DSCAM: variants seen among roughly 807,000 people sequenced by gnomAD.
DSCAM encodes DS cell adhesion molecule.
Under a neutral mutation model 217.7 loss-of-function variants are expected in DSCAM, and 47 were observed. The ratio of observed to expected loss-of-function variants is 0.22; its 90% CI spans 0.17 to 0.28. The LOEUF is 0.28. Ranked by LOEUF, DSCAM falls within the 10% of genes least tolerant of loss-of-function variation. DSCAM has a pLI of 1.00. For synonymous variants in DSCAM, 1,056 were observed against 1,015.3 expected (o/e 1.04, Z -0.76); for missense variants, 2,080 against 2,618.3 (o/e 0.79, Z 4.49).
At chr21:40,408,583 G>C (rs146938294) in intron 3 of DSCAM, among the ~76,000 whole-genome samples, 3 of 152,068 alleles carry the variant, frequency 2.0e-5, no homozygotes, top group Non-Finnish European at 2.9e-5. Flanking sequence ...TTCATCAGTC[G>C]TAAGTTGGCA....
chr21:40,532,898 GTGTGTGTGTGTGCA>G (rs1401055690), intron 3 of DSCAM, among the ~76,000 whole-genome samples: 3 of 138,630 alleles, frequency 2.2e-5, no homozygotes, highest in East Asian at 2.0e-4. Context: ...GTGTGTGTGT[GTGTGTGTGTGTGCA>G]CACGCACGCG....
At chr21:40,692,775 C>T (rs577862784) in intron 3 of DSCAM, 35 bp downstream of exon 3, 11 of 1,578,496 alleles carry the variant, frequency 7.0e-6, no homozygotes, top group African/African-American at 4.0e-5. Flanking sequence ...AGAAGGTGAG[C>T]GTGGTGTCCT....
chr21:40,061,894 T>G (rs1048362933), intron 28 of DSCAM, among the ~76,000 whole-genome samples: 1 of 152,220 alleles, frequency 6.6e-6, no homozygotes, highest in Admixed American at 6.5e-5. Context: ...CTGGCAATGT[T>G]GAGTTCACTA....
rs947613884 is a variant in DSCAM at position 40,354,805 on chromosome 21, C to T, written c.656-1062G>A. On this transcript the variant is annotated intron_variant, in intron 4 of 32. Transcript: ENST00000400454. ...CAGAGCTTGCAGTGAGCCGAGATAG[C>T]GCCACTGCAGTCCGGCCTGGGTGAA... 2.1e-5 allele frequency among the ~76,000 whole-genome samples: 3 copies of T among 145,474 alleles called. No individual in the cohort carries two copies. The East Asian group carries it at 6.2e-4, about 30-fold the overall frequency.
chr21:40,570,491 CAG>C (rs1414413197), intron 3 of DSCAM, among the ~76,000 whole-genome samples: 1 of 152,168 alleles, frequency 6.6e-6, no homozygotes, highest in East Asian at 1.9e-4. Flanking sequence ...TAGCATAAAA[CAG>C]AAAGTCACAA....
At chr21:40,567,568 C>T (rs1283688712) in intron 3 of DSCAM, among the ~76,000 whole-genome samples, 2 of 152,130 alleles carry the variant, frequency 1.3e-5, no homozygotes, top group Admixed American at 6.5e-5. Context: ...CACAGACAAA[C>T]ATCTGTCTCT....
intron 1 of DSCAM, among the ~76,000 whole-genome samples, chr21:40,836,077 G>A (rs1420234309): frequency 1.3e-5 from 2 of 152,184 alleles, no homozygotes; most frequent in African/African-American, 2.4e-5. Flanking sequence ...CGGCATCAAA[G>A]CAAAACCTCT....
chr21:40,259,427 C>T (rs1475839938), intron 11 of DSCAM, among the ~76,000 whole-genome samples: 2 of 152,044 alleles, frequency 1.3e-5, no homozygotes, highest in African/African-American at 2.4e-5. Context: ...TGAGCAAATA[C>T]AGAAGCTAAG....
At chr21:40,452,436 T>G (rs1484565994) in intron 3 of DSCAM, among the ~76,000 whole-genome samples, 2 of 152,068 alleles carry the variant, frequency 1.3e-5, no homozygotes, top group African/African-American at 4.8e-5. Flanking sequence ...TTAGTGAAGT[T>G]AAGAAGTTAA....
intron 3 of DSCAM, among the ~76,000 whole-genome samples, chr21:40,413,804 A>C (rs1330367409): frequency 6.6e-6 from 1 of 152,272 alleles, no homozygotes; most frequent in East Asian, 1.9e-4. Flanking sequence ...AGACCCACAC[A>C]GATAGAGTTA....
At chr21:40,366,371 T>C (rs562324328) in intron 4 of DSCAM, among the ~76,000 whole-genome samples, 1 of 152,270 alleles carries the variant, frequency 6.6e-6, no homozygotes, top group African/African-American at 2.4e-5. Flanking sequence ...CATATTATGC[T>C]TTCTGTTGTG....
chr21:40,548,240 T>G (rs565820312), intron 3 of DSCAM, among the ~76,000 whole-genome samples: 18 of 152,340 alleles, frequency 1.2e-4, no homozygotes, highest in African/African-American at 4.1e-4. Context: ...GTATTACTAT[T>G]TAAAGACCAG....
chr21:40,252,611 GA>G (rs937990439), intron 11 of DSCAM, among the ~76,000 whole-genome samples: 1 of 151,646 alleles, frequency 6.6e-6, no homozygotes, highest in Non-Finnish European at 1.5e-5. Flanking sequence ...GTTATAATCA[GA>G]AAAAAAATAC....
intron 3 of DSCAM, among the ~76,000 whole-genome samples, chr21:40,637,231 AT>A (rs1402062065): frequency 3.0e-3 from 18 of 6,052 alleles, no homozygotes; most frequent in African/African-American, 4.3e-3. Flanking sequence ...AAATATATAT[AT>A]ATAAATATAA....
At chr21:40,266,635 T>TTATATATATATATATATA (rs71186923) in intron 11 of DSCAM, among the ~76,000 whole-genome samples, 49 of 62,612 alleles carry the variant, frequency 7.8e-4, no homozygotes, top group African/African-American at 1.8e-3. Flanking sequence ...CAAAGATGTT[T>TTATATATATATATATATA]TATATATATA....
chr21:40,809,173 G>C (rs1193583997), intron 1 of DSCAM, among the ~76,000 whole-genome samples: 2 of 152,086 alleles, frequency 1.3e-5, no homozygotes, highest in African/African-American at 4.8e-5. Context: ...GGGTTCCCCA[G>C]GTCAGCACAG....
intron 18 of DSCAM, among the ~76,000 whole-genome samples, chr21:40,135,565 C>T (rs1383273541): frequency 6.6e-6 from 1 of 152,200 alleles, no homozygotes; most frequent in Non-Finnish European, 1.5e-5. Flanking sequence ...AATGGAGGCA[C>T]CCACGAGCCG....
chr21:40,637,130 AATATATAAATATATATATAAAT>A lies in DSCAM; in HGVS notation c.508+55658_508+55679del, dbSNP rs2089774301. 3.4e-4 allele frequency among the ~76,000 whole-genome samples: 18 copies of A among 53,390 alleles called. 1 individual carries two copies. The highest frequency in any genetic ancestry group is 1.3e-3 in the African/African-American group (17 of 12,824). The allele number at this position is 53,390 out of a possible 152,430, so 35.0% of individuals were successfully genotyped here. A position where few individuals can be genotyped will look rare whatever the true frequency, so the allele number is the denominator to read the frequency against. The stretch of plus-strand genomic sequence containing the variant: ...ATTCATATATATATATATATATATA[AATATATAAATATATATATAAAT>A]ATATATAAATATAAATATATATATA... On this transcript the variant is annotated intron_variant, in intron 3 of 32. Coordinates refer to ENST00000400454, the MANE Select transcript of DSCAM (RefSeq NM_001389.5).
intron 9 of DSCAM, among the ~76,000 whole-genome samples, chr21:40,310,521 A>G (rs2074126000): frequency 6.6e-6 from 1 of 152,284 alleles, no homozygotes; most frequent in Admixed American, 6.5e-5. Context: ...CATCAGTCAT[A>G]TCATGATCAG....
Sources: gnomAD v4.1 joint callset for allele counts (sites outside exome capture counted in the v4.1 genomes callset) on GRCh38, gnomAD v4.1.1 for gene constraint, MANE v1.5 for transcripts, NCBI Gene and HGNC (gene_info 2026-07-23, HGNC 2026-07-21) for gene names.